Variants in MARCHF4 observed in about 807,000 individuals in gnomAD.
MARCHF4 encodes the protein membrane associated ring-CH-type finger 4.
In MARCHF4, 14 loss-of-function variants were observed where a neutral mutation model predicts 43.9. The observed-to-expected ratio is 0.32, with a 90% CI of 0.21 to 0.50. The LOEUF is 0.50. Among genes scored for constraint, MARCHF4 ranks in the 20% least tolerant of loss-of-function variants. The pLI, the probability that MARCHF4 is intolerant of heterozygous loss-of-function variation, is 0.98. For missense variants in MARCHF4, 468 were observed against 536.7 expected, an observed-to-expected ratio of 0.87 and a Z score of 1.27; for synonymous variants, 226 against 213.3, an observed-to-expected ratio of 1.06 and a Z score of -0.52.
chr2:216,279,910 GT>G (rs1465922339), intron 2 of MARCHF4, among the ~76,000 whole-genome samples: 4 of 152,146 alleles, frequency 2.6e-5, no homozygotes, highest in Admixed American at 2.0e-4. Flanking sequence ...TTCTGGCTGA[GT>G]TTTTGTTTCT....
chr2:216,296,114 C>A (rs541585287), intron 1 of MARCHF4, among the ~76,000 whole-genome samples: 1 of 152,276 alleles, frequency 6.6e-6, no homozygotes, highest in Non-Finnish European at 1.5e-5. Context: ...CCACTGCACT[C>A]CAGCCTGGGC....
intron 3 of MARCHF4, among the ~76,000 whole-genome samples, chr2:216,269,828 C>T (rs997695341): frequency 1.3e-5 from 2 of 152,194 alleles, no homozygotes; most frequent in African/African-American, 2.4e-5. Flanking sequence ...TTCTGTAGTA[C>T]AGCTGCCACT....
chr2:216,308,083 A>T (rs1691618654), intron 1 of MARCHF4, among the ~76,000 whole-genome samples: 1 of 151,952 alleles, frequency 6.6e-6, no homozygotes, highest in Non-Finnish European at 1.5e-5. Flanking sequence ...GAAAACCCTC[A>T]AAGTTGGAGA....
chr2:216,315,726 C>G (rs976504364), intron 1 of MARCHF4, among the ~76,000 whole-genome samples: 1 of 152,178 alleles, frequency 6.6e-6, no homozygotes, highest in Non-Finnish European at 1.5e-5. Context: ...CAATGGATTT[C>G]TCTAAGCGAT....
chr2:216,268,055 A>G (rs566899897), intron 3 of MARCHF4, among the ~76,000 whole-genome samples: 10 of 152,336 alleles, frequency 6.6e-5, no homozygotes, highest in African/African-American at 2.4e-4. Context: ...GTGGATGGGC[A>G]TCATCTCGCC....
At chr2:216,357,025 A>G (rs1205552485) in intron 1 of MARCHF4, among the ~76,000 whole-genome samples, 1 of 151,868 alleles carries the variant, frequency 6.6e-6, no homozygotes, top group African/African-American at 2.4e-5. Flanking sequence ...TCTGTCTCAA[A>G]AAAAAAAAAA....
chr2:216,330,526 T>C (rs955125856), intron 1 of MARCHF4, among the ~76,000 whole-genome samples: 2 of 152,146 alleles, frequency 1.3e-5, no homozygotes, highest in Admixed American at 1.3e-4. Flanking sequence ...GACCTACAGA[T>C]GCATACAAAA....
chr2:216,364,587 C>G (rs557015864), intron 1 of MARCHF4, among the ~76,000 whole-genome samples: 1 of 152,208 alleles, frequency 6.6e-6, no homozygotes, highest in Non-Finnish European at 1.5e-5. Context: ...TGAACTTGCT[C>G]CCAGGACCTG....
At chr2:216,332,128 T>C (rs2105969940) in intron 1 of MARCHF4, among the ~76,000 whole-genome samples, 1 of 152,156 alleles carries the variant, frequency 6.6e-6, no homozygotes, top group East Asian at 1.9e-4. Flanking sequence ...CAGTGGCTCA[T>C]GCCTGTAATC....
intron 1 of MARCHF4, among the ~76,000 whole-genome samples, chr2:216,369,093 C>T (rs1185630572): frequency 1.3e-5 from 2 of 152,172 alleles, no homozygotes; most frequent in Non-Finnish European, 2.9e-5. Flanking sequence ...CATTCTCATT[C>T]CCATTTACCT....
rs1336932634 is a variant in MARCHF4 at position 216,344,505 on chromosome 2, A to G, written c.516+25240T>C. Reference sequence around the variant, plus strand: ...TGGTCACCACACACGGACTTTATGAAAGACAGAACCAAGAGAGGAATTGAT... The same window carrying G: ...TGGTCACCACACACGGACTTTATGAGAGACAGAACCAAGAGAGGAATTGAT... On this transcript the variant is annotated intron_variant, in intron 1 of 3. Coordinates refer to ENST00000273067, the MANE Select transcript of MARCHF4 (RefSeq NM_020814.3). 2.6e-5 allele frequency among the ~76,000 whole-genome samples: 4 copies of G among 152,180 alleles called. No individual in the cohort carries two copies. In the East Asian group the frequency reaches 7.7e-4, roughly 29 times the overall value.
intron 1 of MARCHF4, among the ~76,000 whole-genome samples, chr2:216,304,393 G>A (rs1168747954): frequency 6.6e-6 from 1 of 152,108 alleles, no homozygotes; most frequent in Non-Finnish European, 1.5e-5. Flanking sequence ...CAGGGATAAA[G>A]GGCCACTAAA....
intron 1 of MARCHF4, among the ~76,000 whole-genome samples, chr2:216,320,947 G>A (rs1691885401): frequency 6.6e-6 from 1 of 150,474 alleles, no homozygotes; most frequent in East Asian, 1.9e-4. Flanking sequence ...CCAAAGTGCT[G>A]GGATTACAAG....
Position 216,369,901 on chromosome 2 carries a change from ACCC to A in MARCHF4, c.357_359del (p.Trp119_Gly120delinsCys). 1.9e-6 allele frequency: 3 copies of A among 1,613,168 alleles called. No homozygotes were observed. The South Asian group carries it at 3.3e-5, about 18-fold the overall frequency. On this transcript the variant is annotated inframe_deletion, in exon 1 of 4. Coordinates refer to ENST00000273067, the MANE Select transcript of MARCHF4 (RefSeq NM_020814.3). ...AGGCAGGTGGCTCTGTGGCTGGGCC[ACCC>A]CAGTCATCTTCCACAGAAGAAGGTG...
chr2:216,295,170 T>C (rs1691371145), intron 1 of MARCHF4, among the ~76,000 whole-genome samples: 2 of 152,204 alleles, frequency 1.3e-5, no homozygotes, highest in African/African-American at 4.8e-5. Flanking sequence ...GTGAGTTTTC[T>C]CAGGGGTAAA....
chr2:216,342,973 T>A (rs924006100), intron 1 of MARCHF4, among the ~76,000 whole-genome samples: 1 of 152,090 alleles, frequency 6.6e-6, no homozygotes. Context: ...CAGAAAGGAC[T>A]GACTGAGGAA....
intron 1 of MARCHF4, among the ~76,000 whole-genome samples, chr2:216,339,079 A>G (rs1419414284): frequency 6.6e-6 from 1 of 152,054 alleles, no homozygotes; most frequent in Admixed American, 6.6e-5. Context: ...TTCCTAAGAG[A>G]GGTGAGAGTT....
intron 2 of MARCHF4, 22 bp from the exon 3 acceptor site, chr2:216,277,886 G>C: frequency 6.3e-7 from 1 of 1,590,332 alleles, no homozygotes; most frequent in Non-Finnish European, 8.6e-7. Flanking sequence ...AGAGTGGCCA[G>C]TTAGCAGTTG....
At chr2:216,345,660 C>G (rs977379084) in intron 1 of MARCHF4, among the ~76,000 whole-genome samples, 1 of 152,116 alleles carries the variant, frequency 6.6e-6, no homozygotes, top group African/African-American at 2.4e-5. Flanking sequence ...TCTAATATGC[C>G]AGCTAAGAAT....
Sources: allele counts gnomAD v4.1 joint callset (sites outside exome capture counted in the v4.1 genomes callset), GRCh38; gene constraint gnomAD v4.1.1; transcripts MANE v1.5; gene names NCBI Gene and HGNC (gene_info 2026-07-23, HGNC 2026-07-21).